The following KIF26B variants were observed in gnomAD, a reference collection of about 807,000 sequenced individuals.
KIF26B encodes the protein kinesin family member 26B, also known as kinesin-like protein KIF26B.
KIF26B carries 63 observed loss-of-function variants against 151.2 expected under a neutral mutation model. The ratio of observed to expected loss-of-function variants is 0.42; its 90% CI spans 0.34 to 0.51. The LOEUF (loss-of-function observed/expected upper bound fraction) is 0.51, where lower values mean the gene tolerates loss of function less well. Ranked by LOEUF, KIF26B falls within the 20% of genes least tolerant of loss-of-function variation. The pLI is 0.07. For missense variants in KIF26B, 2,813 were observed against 2,913.6 expected (o/e 0.97, Z 0.79); for synonymous variants, 1,357 against 1,262.1 (o/e 1.08, Z -1.59).
In KIF26B at chr1:245,628,307, C is replaced by A. The variant is rs976394272; in HGVS notation, c.2098+16331C>A. 1.1e-3 allele frequency among the ~76,000 whole-genome samples: 168 copies of A among 152,166 alleles called. 2 individuals carry two copies. Among genetic ancestry groups the A allele is most frequent in the Non-Finnish European group, 3.2e-4 (22 of 68,036 alleles). ...AGACCAGCCTGCCAACATGGCAAAA[C>A]CCTGTCTCTACTAAAATTACAAAAA... On this transcript the variant is annotated intron_variant, in intron 9 of 14. Transcript: ENST00000407071.
chr1:245,418,266 G>A (rs74392283), intron 3 of KIF26B, among the ~76,000 whole-genome samples: 2,427 of 152,316 alleles, frequency 0.016, 70 homozygotes, highest in African/African-American at 0.055. Flanking sequence ...AATGTCCTCC[G>A]GGCCAGCAGC....
At chr1:245,301,963 C>G (rs370999925) in intron 2 of KIF26B, among the ~76,000 whole-genome samples, 1 of 152,218 alleles carries the variant, frequency 6.6e-6, no homozygotes, top group South Asian at 2.1e-4. Context: ...TTTCTGTGTC[C>G]TCAGAATCCA....
intron 10 of KIF26B, among the ~76,000 whole-genome samples, chr1:245,658,825 G>A (rs1320366697): frequency 6.6e-6 from 1 of 152,048 alleles, no homozygotes; most frequent in Non-Finnish European, 1.5e-5. Context: ...CTTTGCTCCA[G>A]GAAAGTTGTT....
At chr1:245,671,498 T>C (rs1393717481) in intron 10 of KIF26B, among the ~76,000 whole-genome samples, 1 of 152,158 alleles carries the variant, frequency 6.6e-6, no homozygotes, top group Admixed American at 6.5e-5. Context: ...TGGGGAGTTG[T>C]TACTTAATGG....
At chr1:245,380,668 C>T (rs1399869653) in intron 3 of KIF26B, among the ~76,000 whole-genome samples, 2 of 152,132 alleles carry the variant, frequency 1.3e-5, no homozygotes, top group African/African-American at 4.8e-5. Flanking sequence ...ACAGGTCTCC[C>T]ATGCATTTAC....
chr1:245,416,112 C>CAA (rs375247191), intron 3 of KIF26B, among the ~76,000 whole-genome samples: 5 of 124,878 alleles, frequency 4.0e-5, no homozygotes, highest in African/African-American at 1.2e-4. Context: ...AGTAAAAATA[C>CAA]AAAAAAAAAA....
chr1:245,313,796 C>A (rs1479014720), intron 2 of KIF26B, among the ~76,000 whole-genome samples: 2 of 152,202 alleles, frequency 1.3e-5, no homozygotes, highest in African/African-American at 4.8e-5. Context: ...GGTGCACATA[C>A]CATTTTCGTC....
At chr1:245,410,632 T>G (rs1338909941) in intron 3 of KIF26B, among the ~76,000 whole-genome samples, 1 of 152,150 alleles carries the variant, frequency 6.6e-6, no homozygotes, top group Non-Finnish European at 1.5e-5. Context: ...GTATTTTTGG[T>G]AGAGACAGGG....
chr1:245,354,346 C>T (rs562130191), intron 2 of KIF26B, among the ~76,000 whole-genome samples: 6 of 152,164 alleles, frequency 3.9e-5, no homozygotes, highest in Non-Finnish European at 7.3e-5. Context: ...CCACCTCAGC[C>T]GTCCCCTCTG....
At chr1:245,342,178 G>T (rs1481815165) in intron 2 of KIF26B, among the ~76,000 whole-genome samples, 1 of 152,126 alleles carries the variant, frequency 6.6e-6, no homozygotes, top group Non-Finnish European at 1.5e-5. Flanking sequence ...CAGATTGTGC[G>T]CACATTAGTA....
intron 2 of KIF26B, among the ~76,000 whole-genome samples, chr1:245,344,172 C>T (rs1037625923): frequency 6.6e-6 from 1 of 150,810 alleles, no homozygotes; most frequent in Non-Finnish European, 1.5e-5. Flanking sequence ...CCCTCCCTGT[C>T]TCCCTCCCTA....
intron 2 of KIF26B, among the ~76,000 whole-genome samples, chr1:245,336,864 C>G (rs1326177758): frequency 6.6e-6 from 1 of 152,168 alleles, no homozygotes; most frequent in East Asian, 1.9e-4. Context: ...ATTTTTGGTT[C>G]ACCTCCCAGA....
chr1:245,250,395 T>C (rs1274828653), intron 2 of KIF26B, among the ~76,000 whole-genome samples: 2 of 152,244 alleles, frequency 1.3e-5, no homozygotes, highest in African/African-American at 4.8e-5. Flanking sequence ...GGTATAACTT[T>C]CTGATGAATG....
At chr1:245,609,551 T>A (rs1310085951) in intron 8 of KIF26B, 23 bp downstream of exon 8, 5 of 1,503,678 alleles carry the variant, frequency 3.3e-6, no homozygotes, top group Non-Finnish European at 4.4e-6. Flanking sequence ...GAAGCCTGGC[T>A]CGCCCCAAGG....
intron 2 of KIF26B, chr1:245,226,141 AC>A (rs1669868792): frequency 6.6e-6 from 1 of 152,284 alleles, no homozygotes; most frequent in Non-Finnish European, 1.5e-5. Context: ...GGCCCTCATG[AC>A]CTGCAGGAAG....
chr1:245,623,997 T>TC lies in KIF26B; in HGVS notation c.2098+12026dup, dbSNP rs528747596. Among the ~76,000 whole-genome samples the TC allele has an allele frequency of 2.6e-3, 398 of 152,196 alleles. 2 individuals carry two copies. The highest frequency in any genetic ancestry group is 5.0e-3 in the Admixed American group (77 of 15,296). On this transcript the variant is annotated intron_variant, in intron 9 of 14. Transcript: ENST00000407071. Reference sequence around the variant, plus strand: ...GGTGATTACATCATGAGGATGGATGTCCCCCATGCTGTTCTCATCATAGTG... The same window carrying TC: ...GGTGATTACATCATGAGGATGGATGTCCCCCCATGCTGTTCTCATCATAGTG...
chr1:245,524,170 T>C (rs897317320), intron 4 of KIF26B, among the ~76,000 whole-genome samples: 15 of 152,282 alleles, frequency 9.9e-5, no homozygotes, highest in Admixed American at 3.9e-4. Context: ...CTAAGGCAAA[T>C]GGATCACAAA....
intron 3 of KIF26B, among the ~76,000 whole-genome samples, chr1:245,381,679 A>G (rs1673412704): frequency 6.6e-6 from 1 of 151,644 alleles, no homozygotes; most frequent in Non-Finnish European, 1.5e-5. Context: ...CCTCCAGAAT[A>G]CTCTGCATCT....
rs1421919618 is a variant in KIF26B, at chr1:245,572,582, T to A, written c.1351-29995T>A. ...CGCTGCAGTGGGAAATTTTATGTTA[T>A]GTGAATTTTATCTCATGATTAAAAT... On this transcript the variant is annotated intron_variant, in intron 5 of 14. Coordinates refer to ENST00000407071, the MANE Select transcript of KIF26B (RefSeq NM_018012.4). The surrounding 1 kb of genome is among the most constrained non-coding windows in gnomAD (Gnocchi z 4.2). 6.6e-6 allele frequency among the ~76,000 whole-genome samples: 1 copy of A among 152,216 alleles called. No homozygotes were observed. Among genetic ancestry groups the A allele is most frequent in the Admixed American group, 6.5e-5 (1 of 15,278 alleles).
Sources: allele counts gnomAD v4.1 joint callset (sites outside exome capture counted in the v4.1 genomes callset), GRCh38; gene constraint gnomAD v4.1.1; non-coding constraint Gnocchi (gnomAD v3.1); transcripts MANE v1.5; gene names NCBI Gene and HGNC (gene_info 2026-07-23, HGNC 2026-07-21).